The following MRTFB variants were observed in gnomAD, a reference collection of about 807,000 sequenced individuals.
MRTFB encodes myocardin related transcription factor B.
Under a neutral mutation model 104.2 loss-of-function variants are expected in MRTFB, and 29 were observed. The observed-to-expected ratio is 0.28, with a 90% CI of 0.21 to 0.38. MRTFB has a LOEUF of 0.38. Ranked by LOEUF, MRTFB falls within the 10% of genes least tolerant of loss-of-function variation. MRTFB has a pLI of 1.00. For synonymous variants in MRTFB, 535 were observed against 519.5 expected (o/e 1.03, Z -0.41); for missense variants, 1,270 against 1,341.6 (o/e 0.95, Z 0.83).
intron 2 of MRTFB, among the ~76,000 whole-genome samples, chr16:14,121,879 GT>G (rs1567347967): frequency 6.6e-6 from 1 of 152,174 alleles, no homozygotes; most frequent in Non-Finnish European, 1.5e-5. Flanking sequence ...GTAGAACTGA[GT>G]TTTTTAATTT....
At chr16:14,100,031 G>A (rs2035614930) in intron 2 of MRTFB, among the ~76,000 whole-genome samples, 1 of 152,150 alleles carries the variant, frequency 6.6e-6, no homozygotes, top group Admixed American at 6.6e-5. Context: ...TCATAATCAT[G>A]TTATTTTTAA....
chr16:14,134,327 AC>A (rs1340808597), intron 2 of MRTFB, among the ~76,000 whole-genome samples: 10 of 152,246 alleles, frequency 6.6e-5, no homozygotes, highest in African/African-American at 2.4e-4. Context: ...ACAAATAAAA[AC>A]TCTACTTAGA....
intron 2 of MRTFB, among the ~76,000 whole-genome samples, chr16:14,089,163 T>C (rs2034899865): frequency 6.6e-6 from 1 of 152,216 alleles, no homozygotes; most frequent in Non-Finnish European, 1.5e-5. Flanking sequence ...TGAGATATAA[T>C]TCATATACCA....
At chr16:14,083,308 C>A (rs1267818374) in intron 2 of MRTFB, among the ~76,000 whole-genome samples, 1 of 152,110 alleles carries the variant, frequency 6.6e-6, no homozygotes, top group Admixed American at 6.5e-5. Context: ...CAAACAGGAA[C>A]AATTTTACTT....
the MRTFB span, among the ~76,000 whole-genome samples, chr16:14,006,692 A>G: frequency 4.7e-5 from 7 of 150,476 alleles, no homozygotes; most frequent in Admixed American, 1.3e-4. Flanking sequence ...GATATGTTGT[A>G]TGTATCCATA....
chr16:13,995,903 T>C, the MRTFB span, among the ~76,000 whole-genome samples: 2 of 152,112 alleles, frequency 1.3e-5, no homozygotes, highest in African/African-American at 4.8e-5. Context: ...ACATGAGATT[T>C]GGGTGGGGAC....
At chr16:14,200,380 T>C in intron 3 of MRTFB, 4 of 1,607,828 alleles carry the variant, frequency 2.5e-6, no homozygotes, top group Non-Finnish European at 3.4e-6. Flanking sequence ...ATAGTAATGA[T>C]GACACTAAAG....
At chr16:14,117,243 C>G (rs1336584702) in intron 2 of MRTFB, among the ~76,000 whole-genome samples, 1 of 152,240 alleles carries the variant, frequency 6.6e-6, no homozygotes, top group African/African-American at 2.4e-5. Context: ...AACCACTGTA[C>G]AAATAATGGG....
At chr16:14,245,441 T>G in intron 10 of MRTFB, 87 bp from the exon 11 acceptor site, 11 of 1,187,126 alleles carry the variant, frequency 9.3e-6, no homozygotes, top group Non-Finnish European at 1.3e-5. Context: ...ATTTTTCTCT[T>G]CATAAGTTAG....
At chr16:14,204,334 C>T (rs571288603) in intron 3 of MRTFB, among the ~76,000 whole-genome samples, 2 of 152,110 alleles carry the variant, frequency 1.3e-5, no homozygotes, top group East Asian at 3.9e-4. Flanking sequence ...GCACTCTAAA[C>T]CATTTAAGAA....
intron 3 of MRTFB, among the ~76,000 whole-genome samples, chr16:14,201,284 A>G (rs1156536292): frequency 6.6e-6 from 1 of 152,166 alleles, no homozygotes; most frequent in African/African-American, 2.4e-5. Flanking sequence ...GAAAGTGTTC[A>G]TTTACATAGG....
rs1372428599 is a variant in MRTFB at position 14,265,903 on chromosome 16, T to C, written c.*4459T>C. ...TTTAACAGAGCTTTATGCCAACTAC[T>C]AAGACAAAGCTTTAACAAAGTTTAT... On this transcript the variant is annotated 3_prime_UTR_variant, in exon 17 of 17. Transcript: ENST00000571589. 6.6e-6 allele frequency: 1 copy of C among 152,218 alleles called. No homozygotes were observed. The highest frequency in any genetic ancestry group is 1.5e-5 in the Non-Finnish European group (1 of 68,042). The allele number at this position is 152,218 out of a possible 1,614,324, so 9.4% of individuals were successfully genotyped here. A position where few individuals can be genotyped will look rare whatever the true frequency, so the allele number is the denominator to read the frequency against.
intron 3 of MRTFB, among the ~76,000 whole-genome samples, chr16:14,156,353 A>T (rs2038828927): frequency 6.6e-6 from 1 of 152,200 alleles, no homozygotes; most frequent in Non-Finnish European, 1.5e-5. Flanking sequence ...CTACAGTAGC[A>T]ATATCAGTTT....
In MRTFB at chr16:14,096,051, AATTTATTT is replaced by A. The variant is rs3974321; in HGVS notation, c.-64+16734_-64+16741del. On this transcript the variant is annotated intron_variant, in intron 2 of 16. Transcript: ENST00000571589. ...ACATGACAGTTTAGAGGCAAGCTGA[AATTTATTT>A]ATTTATTTATTTATTTATTTATTTA... is the stretch of plus-strand genomic sequence containing the variant. 4.1e-3 allele frequency among the ~76,000 whole-genome samples: 591 copies of A among 144,248 alleles called. 6 individuals are homozygous for A. The highest frequency in any genetic ancestry group is 0.012 in the African/African-American group (452 of 39,250). 94.6% of individuals were successfully genotyped at this position (144,248 alleles called of 152,430 possible).
chr16:14,144,525 A>G (rs1362940907), intron 3 of MRTFB: 1 of 152,188 alleles, frequency 6.6e-6, no homozygotes. Context: ...TTGTATTGAA[A>G]ATTGCTAAGA....
At chr16:14,251,545 C>T (rs1174763697) in intron 13 of MRTFB, among the ~76,000 whole-genome samples, 2 of 152,166 alleles carry the variant, frequency 1.3e-5, no homozygotes, top group Non-Finnish European at 2.9e-5. Context: ...GTAAAGGGAC[C>T]ACATATGCTC....
chr16:14,119,134 G>A (rs566989625), intron 2 of MRTFB, among the ~76,000 whole-genome samples: 25 of 152,220 alleles, frequency 1.6e-4, no homozygotes, highest in Admixed American at 9.8e-4. Context: ...TTTGTGAATC[G>A]GGCAGCCCCC....
At chr16:14,235,881 A>G (rs2042478860) in intron 9 of MRTFB, among the ~76,000 whole-genome samples, 1 of 152,208 alleles carries the variant, frequency 6.6e-6, no homozygotes, top group Admixed American at 6.5e-5. Flanking sequence ...GTTTTAAAAG[A>G]CTAAAAATAA....
the MRTFB span, among the ~76,000 whole-genome samples, chr16:14,049,955 A>T: frequency 7.2e-5 from 11 of 152,016 alleles, no homozygotes; most frequent in Non-Finnish European, 7.4e-5. Context: ...CTGGTCTCAA[A>T]CTCCTGACCT....
Sources: gnomAD v4.1 joint callset for allele counts (sites outside exome capture counted in the v4.1 genomes callset) on GRCh38, gnomAD v4.1.1 for gene constraint, MANE v1.5 for transcripts, NCBI Gene and HGNC (gene_info 2026-07-23, HGNC 2026-07-21) for gene names.